Variants in PUM3 observed in about 807,000 individuals in gnomAD.
The protein encoded by PUM3 is pumilio RNA binding family member 3.
Under a neutral mutation model 84.0 loss-of-function variants are expected in PUM3, and 91 were observed. The observed-to-expected ratio is 1.08, with a 90% CI of 0.91 to 1.29. The LOEUF is 1.29. Ranked by LOEUF, PUM3 falls within the 50% of genes most tolerant of loss-of-function variation. The pLI, the probability that PUM3 is intolerant of heterozygous loss-of-function variation, is 0.00. For missense variants in PUM3, 1,067 were observed against 767.5 expected, an observed-to-expected ratio of 1.39 and a Z score of -4.61; for synonymous variants, 321 against 266.7, an observed-to-expected ratio of 1.20 and a Z score of -1.98.
At chr9:2,809,236 A>T (rs1821318438) in intron 16 of PUM3, among the ~76,000 whole-genome samples, 1 of 152,204 alleles carries the variant, frequency 6.6e-6, no homozygotes, top group Non-Finnish European at 1.5e-5. Flanking sequence ...GTGCAGGAGG[A>T]CAAACTCATT....
chr9:2,830,969 T>C lies in PUM3; in HGVS notation c.670A>G (p.Met224Val). 3 of 1,457,872 alleles carry C rather than the reference T, an allele frequency of 2.1e-6. No homozygotes were observed. Among genetic ancestry groups the C allele is most frequent in the Non-Finnish European group, 2.9e-6 (3 of 1,047,126 alleles). The allele number at this position is 1,457,872 out of a possible 1,614,324, so 90.3% of individuals were successfully genotyped here. A position where few individuals can be genotyped will look rare whatever the true frequency, so the allele number is the denominator to read the frequency against. ...ATACATAAAACAACTTACCCATACA[T>C]GAGAAATTTCTTAACAATATTTCTC... Reference protein sequence around the residue: ...YSRNIVKKFLMYGSKPQIAEI... With the variant: ...YSRNIVKKFLVYGSKPQIAEI... Residue 224 changes from methionine (M) to valine (V), a missense_variant, in exon 7 of 18, where the codon ATG becomes GTG. Transcript: ENST00000397885.
chr9:2,805,785 T>G (rs754548212), intron 17 of PUM3, among the ~76,000 whole-genome samples: 2 of 152,048 alleles, frequency 1.3e-5, no homozygotes, highest in African/African-American at 4.8e-5. Context: ...AGGGTTATCA[T>G]TAATCTCATT....
intron 9 of PUM3, 36 bp downstream of exon 9, chr9:2,828,639 C>A (rs759944730): frequency 2.4e-6 from 3 of 1,266,542 alleles, no homozygotes; most frequent in Admixed American, 3.5e-5. Flanking sequence ...CTTTGAATGT[C>A]ATTTCTTAAG....
intron 13 of PUM3, among the ~76,000 whole-genome samples, chr9:2,813,778 T>C (rs942173166): frequency 6.6e-6 from 1 of 152,208 alleles, no homozygotes; most frequent in Non-Finnish European, 1.5e-5. Flanking sequence ...CCAAACACCA[T>C]GTTTCTCTTT....
intron 3 of PUM3, among the ~76,000 whole-genome samples, chr9:2,834,998 A>T (rs1816082734): frequency 1.4e-5 from 2 of 147,234 alleles, no homozygotes; most frequent in Non-Finnish European, 1.5e-5. Flanking sequence ...TCTCTATAAA[A>T]AACTGGGAAA....
chr9:2,827,193 G>T, intron 9 of PUM3, 42 bp from the exon 10 acceptor site: 2 of 1,399,606 alleles, frequency 1.4e-6, no homozygotes, highest in Admixed American at 1.9e-5. Context: ...AACAGATCTG[G>T]CACTACAGTC....
chr9:2,805,549 T>A (rs1177158562), intron 17 of PUM3, among the ~76,000 whole-genome samples: 1 of 152,168 alleles, frequency 6.6e-6, no homozygotes, highest in South Asian at 2.1e-4. Flanking sequence ...CTACTGCTTA[T>A]GGGAGATAAG....
intron 1 of PUM3, among the ~76,000 whole-genome samples, chr9:2,839,590 T>C (rs1366034425): frequency 6.6e-6 from 1 of 152,222 alleles, no homozygotes; most frequent in Non-Finnish European, 1.5e-5. Flanking sequence ...TCCTGGAACA[T>C]CATAAGGGAA....
chr9:2,824,870 T>C, intron 10 of PUM3, 55 bp from the exon 11 acceptor site: 1 of 1,258,912 alleles, frequency 7.9e-7, no homozygotes, highest in Non-Finnish European at 1.1e-6. Flanking sequence ...TTCTTTCTAC[T>C]GTTTTATCTG....
chr9:2,829,676 C>A, intron 8 of PUM3, 98 bp downstream of exon 8: 1 of 1,002,160 alleles, frequency 1.0e-6, no homozygotes, highest in Non-Finnish European at 1.4e-6. Flanking sequence ...GAACCAGCCA[C>A]AGTAAAAATA....
At chr9:2,837,436 TG>T (rs1272723694) in intron 2 of PUM3, 35 bp from the exon 3 acceptor site, 1 of 1,395,776 alleles carries the variant, frequency 7.2e-7, no homozygotes, top group Non-Finnish European at 1.0e-6. Flanking sequence ...TCAATGATTC[TG>T]GGCCCAAATC....
At chr9:2,814,131 G>C (rs1821423090) in intron 13 of PUM3, among the ~76,000 whole-genome samples, 1 of 152,008 alleles carries the variant, frequency 6.6e-6, no homozygotes, top group Non-Finnish European at 1.5e-5. Flanking sequence ...TAACAAACGG[G>C]AAAACACACA....
Position 2,837,154 on chromosome 9 carries a change from T to C in PUM3, c.304+26A>G, listed in dbSNP as rs751228360. 1.9e-6 allele frequency: 3 copies of C among 1,594,282 alleles called. No individual in the cohort carries two copies. The Admixed American group carries it at 5.0e-5, about 27-fold the overall frequency. On this transcript the variant is annotated intron_variant, in intron 3 of 17. Coordinates refer to ENST00000397885, the MANE Select transcript of PUM3 (RefSeq NM_014878.5). ...TGTGCACAATCGTTCAGGCACTAGT[T>C]CAGGCATGAACGAACCAGTACTTAC...
chr9:2,808,021 G>C (rs1410135913), intron 16 of PUM3, 117 bp from the exon 17 acceptor site: 1 of 649,174 alleles, frequency 1.5e-6, no homozygotes, highest in Non-Finnish European at 2.6e-6. Context: ...AACAAAAGTA[G>C]CTTTCACCCA....
At chr9:2,805,041 C>T (rs1193512267) in intron 17 of PUM3, among the ~76,000 whole-genome samples, 1 of 152,132 alleles carries the variant, frequency 6.6e-6, no homozygotes, top group Non-Finnish European at 1.5e-5. Context: ...CCTGCCTCTA[C>T]CACTCAGTAA....
chr9:2,833,334 A>C, intron 5 of PUM3, 23 bp downstream of exon 5: 2 of 1,360,398 alleles, frequency 1.5e-6, no homozygotes, highest in Non-Finnish European at 2.1e-6. Context: ...TAAAAATTGC[A>C]ACAATGAGTA....
rs114894809 is a variant in PUM3 at position 2,843,488 on chromosome 9, G to A, written c.-11+557C>T. Among the ~76,000 whole-genome samples the A allele has an allele frequency of 4.9e-3, 742 of 152,226 alleles. 5 individuals are homozygous for A. Among genetic ancestry groups the A allele is most frequent in the African/African-American group, 0.016 (672 of 41,532 alleles). On this transcript the variant is annotated intron_variant, in intron 1 of 17. Coordinates refer to ENST00000397885, the MANE Select transcript of PUM3 (RefSeq NM_014878.5). The stretch of plus-strand genomic sequence containing the variant: ...CAGACAGGCTGATCAGGCCGAGCAC[G>A]GGCTGGGATTCCGGAGTGAAGCTAG...
chr9:2,823,520 C>A (rs903887990), intron 12 of PUM3, among the ~76,000 whole-genome samples: 4 of 151,900 alleles, frequency 2.6e-5, no homozygotes, highest in Non-Finnish European at 2.9e-5. Flanking sequence ...TAGTAAATAT[C>A]AGGTTTTCAA....
intron 17 of PUM3, among the ~76,000 whole-genome samples, chr9:2,807,298 A>G (rs560307711): frequency 1.3e-5 from 2 of 151,794 alleles, no homozygotes; most frequent in South Asian, 4.2e-4. Flanking sequence ...AAAAGATGGT[A>G]GTTTAAAAAT....
Sources: allele counts gnomAD v4.1 joint callset (sites outside exome capture counted in the v4.1 genomes callset), GRCh38; gene constraint gnomAD v4.1.1; transcripts MANE v1.5; gene names NCBI Gene and HGNC (gene_info 2026-07-23, HGNC 2026-07-21).